ITGA11: variants seen among roughly 807,000 people sequenced by gnomAD.
The protein encoded by ITGA11 is integrin subunit alpha 11.
ITGA11 carries 97 observed loss-of-function variants against 141.9 expected under a neutral mutation model. That is an observed-to-expected ratio of 0.68 (90% CI 0.58 to 0.81). The LOEUF (loss-of-function observed/expected upper bound fraction) is 0.81. ITGA11 is among the 30% of genes least tolerant of loss of function. The probability of loss-of-function intolerance (pLI) is 0.00; values close to 1 mark genes in which losing one functional copy is unlikely to be tolerated. For missense variants in ITGA11, 1,387 were observed against 1,559.2 expected, an observed-to-expected ratio of 0.89 and a Z score of 1.86; for synonymous variants, 658 against 624.6, an observed-to-expected ratio of 1.05 and a Z score of -0.80.
rs144189673 is a variant in ITGA11, at chr15:68,377,282, G to A, written c.165-7998C>T. Among the ~76,000 whole-genome samples, 398 of 152,036 alleles carry A rather than the reference G, an allele frequency of 2.6e-3. 2 individuals are homozygous for A. The highest frequency in any genetic ancestry group is 9.2e-3 in the African/African-American group (381 of 41,458). On this transcript the variant is annotated intron_variant, in intron 2 of 29. Coordinates refer to ENST00000315757, the MANE Select transcript of ITGA11 (RefSeq NM_001004439.2). ...CTGTGCAAACTAATACTTTTGTTTT[G>A]TTTTTTTGAGACAGAGTATCGCTCT...
intron 2 of ITGA11, among the ~76,000 whole-genome samples, chr15:68,375,797 C>T (rs1260392192): frequency 2.6e-5 from 4 of 152,148 alleles, no homozygotes; most frequent in Non-Finnish European, 4.4e-5. Context: ...CACGGGGTGC[C>T]TAGATATATG....
chr15:68,403,188 G>A (rs1031290040), intron 1 of ITGA11, among the ~76,000 whole-genome samples, 159 bp from the exon 2 acceptor site: 2 of 152,164 alleles, frequency 1.3e-5, no homozygotes, highest in Non-Finnish European at 2.9e-5. Flanking sequence ...TGTATGAGGT[G>A]GCTGATGTAG....
chr15:68,319,481 A>G (rs1893717046), intron 20 of ITGA11, among the ~76,000 whole-genome samples: 1 of 152,238 alleles, frequency 6.6e-6, no homozygotes, highest in Non-Finnish European at 1.5e-5. Context: ...CGTGCTGGGA[A>G]CAAGGTGGCC....
intron 2 of ITGA11, among the ~76,000 whole-genome samples, chr15:68,384,689 C>T (rs188587420): frequency 6.6e-6 from 1 of 152,334 alleles, no homozygotes; most frequent in East Asian, 1.9e-4. Flanking sequence ...TCCTGGGCTT[C>T]GCTTCTGTAG....
intron 6 of ITGA11, among the ~76,000 whole-genome samples, chr15:68,357,983 C>T (rs759128994): frequency 2.0e-5 from 3 of 152,186 alleles, no homozygotes; most frequent in Non-Finnish European, 4.4e-5. Flanking sequence ...AATCTGCCAT[C>T]TAATAACTTC....
intron 15 of ITGA11, among the ~76,000 whole-genome samples, chr15:68,330,220 C>A (rs1348831014): frequency 2.6e-5 from 4 of 152,194 alleles, no homozygotes; most frequent in Admixed American, 2.0e-4. Context: ...TGAACAGGAG[C>A]CTGTCTTTTC....
At chr15:68,349,487 G>A (rs3784349) in intron 9 of ITGA11, among the ~76,000 whole-genome samples, 2,857 of 152,264 alleles carry the variant, frequency 0.019, 46 homozygotes, top group Admixed American at 0.024. Flanking sequence ...CCATTTTGAG[G>A]AGAAATACAG....
intron 20 of ITGA11, among the ~76,000 whole-genome samples, chr15:68,319,853 G>A (rs567752093): frequency 1.3e-5 from 2 of 152,200 alleles, no homozygotes; most frequent in Non-Finnish European, 2.9e-5. Context: ...AAAGCCTCCC[G>A]ATGCCAGGCC....
Position 68,325,328 on chromosome 15 carries a change from A to C in ITGA11, c.2212-87T>G. 1 of 908,488 alleles carries C rather than the reference A, an allele frequency of 1.1e-6. No individual in the cohort carries two copies. Among genetic ancestry groups the C allele is most frequent in the East Asian group, 2.5e-5 (1 of 39,804 alleles). 56.3% of individuals were successfully genotyped at this position (908,488 alleles called of 1,614,324 possible). A position where few individuals can be genotyped will look rare whatever the true frequency, so the allele number is the denominator to read the frequency against. ...CCGTGGATGCTGAGATAGAACTTCC[A>C]CCTTCCTTAGATGGCAGGGCAGCTG... On this transcript the variant is annotated intron_variant, in intron 17 of 29. Coordinates refer to ENST00000315757, the MANE Select transcript of ITGA11 (RefSeq NM_001004439.2). This position sits in a 1 kb window ranked among gnomAD's most constrained non-coding sequence, Gnocchi z 5.5.
intron 10 of ITGA11, among the ~76,000 whole-genome samples, chr15:68,344,159 C>A (rs1312580642): frequency 6.6e-6 from 1 of 152,102 alleles, no homozygotes; most frequent in Admixed American, 6.5e-5. Context: ...AGACAACTCG[C>A]AAACCCTTGG....
rs529032350 is a variant in ITGA11, at chr15:68,319,074, C to T, written c.2616+1111G>A. ...ATGAAGGGCTGTACCAGATGCTATG[C>T]GGGCTGGAGGGCCGCCTGTGGCCTT... is the stretch of plus-strand genomic sequence containing the variant. On this transcript the variant is annotated intron_variant, in intron 20 of 29. Coordinates refer to ENST00000315757, the MANE Select transcript of ITGA11 (RefSeq NM_001004439.2). Among the ~76,000 whole-genome samples, 88 of 152,328 alleles carry T rather than the reference C, an allele frequency of 5.8e-4. 1 individual carries two copies. The highest frequency in any genetic ancestry group is 1.0e-3 in the Admixed American group (16 of 15,306).
chr15:68,423,788 G>T (rs1000654928), intron 1 of ITGA11, among the ~76,000 whole-genome samples: 2 of 152,158 alleles, frequency 1.3e-5, no homozygotes, highest in South Asian at 2.1e-4. Context: ...GTCCCACCCC[G>T]CAGGCCGGCC....
Position 68,307,769 on chromosome 15 carries a change from G to C in ITGA11, c.3175-73C>G. ...CAGGGGGCAGCAACACTGCTTGAAC[G>C]ACTGGGGCTCTGCTCCTGGGGGCAG... On this transcript the variant is annotated intron_variant, in intron 26 of 29. Transcript: ENST00000315757. This position sits in a 1 kb window ranked among gnomAD's most constrained non-coding sequence, Gnocchi z 6.1. 9.9e-7 allele frequency: 1 copy of C among 1,012,102 alleles called. No individual in the cohort carries two copies. Among genetic ancestry groups the C allele is most frequent in the South Asian group, 1.4e-5 (1 of 72,182 alleles). The allele number at this position is 1,012,102 out of a possible 1,614,324, so 62.7% of individuals were successfully genotyped here.
At chr15:68,419,549 A>T (rs1402127091) in intron 1 of ITGA11, among the ~76,000 whole-genome samples, 1 of 152,152 alleles carries the variant, frequency 6.6e-6, no homozygotes, top group Non-Finnish European at 1.5e-5. Context: ...GAGTGTACCC[A>T]TTGTTTGGAA....
chr15:68,336,774 A>T (rs765563260), intron 11 of ITGA11, among the ~76,000 whole-genome samples: 33 of 152,216 alleles, frequency 2.2e-4, no homozygotes, highest in Admixed American at 3.3e-4. Context: ...CACGTGTGTG[A>T]GTGTGTGTGT....
intron 8 of ITGA11, among the ~76,000 whole-genome samples, 192 bp downstream of exon 8, chr15:68,351,066 G>C (rs896936148): frequency 6.6e-6 from 1 of 152,172 alleles, no homozygotes; most frequent in Non-Finnish European, 1.5e-5. Context: ...AACACAACCC[G>C]TAGCTTTTGT....
At chr15:68,337,300 G>A (rs561015708) in intron 11 of ITGA11, among the ~76,000 whole-genome samples, 7 of 152,300 alleles carry the variant, frequency 4.6e-5, no homozygotes, top group South Asian at 4.1e-4. Flanking sequence ...CAGCAGGAAG[G>A]GCCATTCTGA....
In ITGA11 at chr15:68,315,491, G is replaced by A. The variant is rs961203571; in HGVS notation, c.2792+160C>T. ...TTGGCCCACACCTGCAACGGATGCC[G>A]GCCCACCTCCCCACCCCACTGCCTC... On this transcript the variant is annotated intron_variant, in intron 22 of 29. Transcript: ENST00000315757. Among the ~76,000 whole-genome samples the A allele has an allele frequency of 2.0e-5, 3 of 152,156 alleles. No individual in the cohort carries two copies. The South Asian group carries it at 6.2e-4, about 32-fold the overall frequency.
intron 15 of ITGA11, among the ~76,000 whole-genome samples, chr15:68,330,644 G>A (rs187748575): frequency 1.5e-3 from 232 of 152,230 alleles, no homozygotes; most frequent in African/African-American, 5.5e-3. Flanking sequence ...CACGCCAGGG[G>A]AGAAGGAAAG....
Sources: allele counts gnomAD v4.1 joint callset (sites outside exome capture counted in the v4.1 genomes callset), GRCh38; gene constraint gnomAD v4.1.1; non-coding constraint Gnocchi (gnomAD v3.1); transcripts MANE v1.5; gene names NCBI Gene and HGNC (gene_info 2026-07-23, HGNC 2026-07-21).